Variants in ARHGEF1 observed in about 807,000 individuals in gnomAD.
The protein encoded by ARHGEF1 is Rho guanine nucleotide exchange factor 1.
ARHGEF1 carries 40 observed loss-of-function variants against 119.7 expected under a neutral mutation model. The observed-to-expected ratio is 0.33, with a 90% CI of 0.26 to 0.44. The LOEUF (loss-of-function observed/expected upper bound fraction) is 0.44, where lower values mean the gene tolerates loss of function less well. Among genes scored for constraint, ARHGEF1 ranks in the 20% least tolerant of loss-of-function variants. The pLI is 1.00. For missense variants in ARHGEF1, 976 were observed against 1,268.3 expected (o/e 0.77, Z 3.50); for synonymous variants, 494 against 521.0 (o/e 0.95, Z 0.71).
chr19:41,920,090 GCTCACAGACATACA>G (rs2074830717), upstream of ARHGEF1, among the ~76,000 whole-genome samples: 8 of 105,412 alleles, frequency 7.6e-5, no homozygotes, highest in Admixed American at 3.6e-4. Flanking sequence ...GACATGACAC[GCTCACAGACATACA>G]CTCACAGACA....
At chr19:41,913,914 C>T (rs1284396660) in intron 18 of ARHGEF1, among the ~76,000 whole-genome samples, 2 of 151,268 alleles carry the variant, frequency 1.3e-5, no homozygotes, top group South Asian at 2.1e-4. Flanking sequence ...CTGCCACCCT[C>T]ACACCCCACC....
chr19:41,909,982 T>A (rs1245049168), downstream of ARHGEF1: 17 of 1,613,714 alleles, frequency 1.1e-5, no homozygotes, highest in South Asian at 9.9e-5. This position sits in a 1 kb window ranked among gnomAD's most constrained non-coding sequence, Gnocchi z 5.2. Flanking sequence ...CCTGCCAGGC[T>A]ATGACGCCCT....
chr19:41,914,090 C>T (rs1030230663), intron 18 of ARHGEF1, among the ~76,000 whole-genome samples: 1 of 130,960 alleles, frequency 7.6e-6, no homozygotes, highest in Non-Finnish European at 1.6e-5. Flanking sequence ...CCCCTGGACA[C>T]TGGACAAAAC....
chr19:41,885,364 G>C (rs2074277945), intron 1 of ARHGEF1, among the ~76,000 whole-genome samples: 1 of 152,242 alleles, frequency 6.6e-6, no homozygotes. Flanking sequence ...AAGACATGAT[G>C]TGTCTCAGAG....
intron 13 of ARHGEF1, chr19:41,897,657 T>A: frequency 6.1e-6 from 1 of 163,050 alleles, no homozygotes. Context: ...CTCCTCTGAC[T>A]CTCTCCTCTC....
At chr19:41,886,283 G>T (rs2074292802) in intron 1 of ARHGEF1, among the ~76,000 whole-genome samples, 1 of 152,164 alleles carries the variant, frequency 6.6e-6, no homozygotes, top group Non-Finnish European at 1.5e-5. Flanking sequence ...TTATTATTGT[G>T]ATAAGGAATA....
At chr19:41,914,553 C>G (rs1160502612) in intron 18 of ARHGEF1, among the ~76,000 whole-genome samples, 1 of 121,758 alleles carries the variant, frequency 8.2e-6, no homozygotes, top group Non-Finnish European at 1.8e-5. Context: ...TCTTTCCCTC[C>G]CCTTCCACCA....
upstream of ARHGEF1, among the ~76,000 whole-genome samples, chr19:41,920,781 CAG>C (rs2074837386): frequency 6.6e-6 from 1 of 152,264 alleles, no homozygotes; most frequent in Middle Eastern, 3.2e-3. Flanking sequence ...GAATGGCAGA[CAG>C]GGCAGTGGAT....
rs149644287 is a variant in ARHGEF1, at chr19:41,895,026, C to T, written c.878-323C>T. Among the ~76,000 whole-genome samples the T allele has an allele frequency of 5.6e-4, 74 of 131,282 alleles. 4 individuals carry two copies. The highest frequency in any genetic ancestry group is 5.3e-3 in the Middle Eastern group (1 of 188). The allele number at this position is 131,282 out of a possible 152,430, so 86.1% of individuals were successfully genotyped here. On this transcript the variant is annotated intron_variant, in intron 11 of 28. Transcript: ENST00000354532. ...TGGACCCCTGGGTCTGAGGGAGGAGCGGCTCAGACTCGGACTCTTAGGTCT... is the reference window on the plus strand; with the variant it reads ...TGGACCCCTGGGTCTGAGGGAGGAGTGGCTCAGACTCGGACTCTTAGGTCT...
intron 8 of ARHGEF1, 86 bp from the exon 9 acceptor site, chr19:41,894,121 A>AGTGTGT: frequency 1.3e-6 from 1 of 765,880 alleles, no homozygotes; most frequent in Non-Finnish European, 1.8e-6. Flanking sequence ...GGAGAGAGAG[A>AGTGTGT]GAGTGTGTGT....
In ARHGEF1 at chr19:41,903,800, C is replaced by T; in HGVS notation, c.1917+16C>T. On this transcript the variant is annotated intron_variant, in intron 20 of 28. Transcript: ENST00000354532. This position sits in a 1 kb window ranked among gnomAD's most constrained non-coding sequence, Gnocchi z 4.2. ...CGAGTTCAAGGTGTGACCATACCCT[C>T]CTGCCTCCCCCGCCCCCCTACTCCT... 1 of 1,612,022 alleles carries T rather than the reference C, an allele frequency of 6.2e-7. No homozygotes were observed. The highest frequency in any genetic ancestry group is 8.5e-7 in the Non-Finnish European group (1 of 1,179,342).
In ARHGEF1 at chr19:41,902,464, TGTCGTACTTTA is replaced by T. The variant is rs1599658990; in HGVS notation, c.1498-65_1498-55del. On this transcript the variant is annotated intron_variant, in intron 16 of 28. Coordinates refer to ENST00000354532, the MANE Select transcript of ARHGEF1 (RefSeq NM_004706.4). This position sits in a 1 kb window ranked among gnomAD's most constrained non-coding sequence, Gnocchi z 6.5. ...AGTCCCAGGGTCTGGGCTTCCAGCC[TGTCGTACTTTA>T]GTCCCTGTTCTTGCCCATCCCCACT... The T allele has an allele frequency of 1.9e-6, 3 of 1,611,762 alleles. No homozygotes were observed. Among genetic ancestry groups the T allele is most frequent in the Non-Finnish European group, 2.5e-6 (3 of 1,179,086 alleles).
chr19:41,925,991 T>C (rs189289616), intron 1 of ARHGEF1, among the ~76,000 whole-genome samples: 6 of 152,054 alleles, frequency 3.9e-5, no homozygotes, highest in Admixed American at 1.3e-4. Flanking sequence ...TGTGTGAGTG[T>C]GTGCATGTGT....
In ARHGEF1 at chr19:41,916,339, G is replaced by A. The variant is rs1168368780; in HGVS notation, c.1866-6753G>A. Among the ~76,000 whole-genome samples the A allele has an allele frequency of 2.0e-5, 3 of 151,590 alleles. No individual in the cohort carries two copies. The highest frequency in any genetic ancestry group is 1.5e-5 in the Non-Finnish European group (1 of 67,914). On this transcript the variant is annotated intron_variant, in intron 18 of 20. Coordinates refer to the ARHGEF1 transcript ENST00000599589. This position sits in a 1 kb window ranked among gnomAD's most constrained non-coding sequence, Gnocchi z 5.4. ...ACATCACACACACCAACAAAGCAAC[G>A]CATACCACTGCTGCCACACACAACC...
At chr19:41,914,386 A>C in intron 18 of ARHGEF1, among the ~76,000 whole-genome samples, 1 of 136,118 alleles carries the variant, frequency 7.3e-6, no homozygotes, top group Non-Finnish European at 1.6e-5. Context: ...TCCCCACCTC[A>C]CTGCCCTCTC....
rs1486373854 is a variant in ARHGEF1 at position 41,904,539 on chromosome 19, C to CTAGAGGGTTTA, written c.2161+159_2161+169dup. Among the ~76,000 whole-genome samples the CTAGAGGGTTTA allele has an allele frequency of 6.6e-6, 1 of 151,934 alleles. No homozygotes were observed. The highest frequency in any genetic ancestry group is 2.4e-5 in the African/African-American group (1 of 41,342). ...GGAGGTGGGCAGGGCGGGGCCAGGC[C>CTAGAGGGTTTA]TAGAGGGTTTATAAGTGAGGTAGGA... On this transcript the variant is annotated intron_variant, in intron 22 of 28. Coordinates refer to ENST00000354532, the MANE Select transcript of ARHGEF1 (RefSeq NM_004706.4). The surrounding 1 kb of genome is among the most constrained non-coding windows in gnomAD (Gnocchi z 8.4).
At chr19:41,918,970 C>CCA (rs369125007), upstream of ARHGEF1, among the ~76,000 whole-genome samples, 1,156 of 150,260 alleles carry the variant, frequency 7.7e-3, 13 homozygotes, top group African/African-American at 0.022. Context: ...ACACCACACA[C>CCA]CACACACACA....
At chr19:41,894,075 G>T in intron 8 of ARHGEF1, 132 bp from the exon 9 acceptor site, 2 of 535,230 alleles carry the variant, frequency 3.7e-6, no homozygotes, top group Non-Finnish European at 6.1e-6. Flanking sequence ...GTAGTTGTGG[G>T]GTCAGGATGG....
chr19:41,913,788 T>C (rs1350780124), intron 18 of ARHGEF1, among the ~76,000 whole-genome samples: 1 of 147,340 alleles, frequency 6.8e-6, no homozygotes, highest in Admixed American at 6.7e-5. Context: ...CCCCCTCTTA[T>C]GGCGCCTCCC....
Sources: gnomAD v4.1 joint callset for allele counts (sites outside exome capture counted in the v4.1 genomes callset) on GRCh38, gnomAD v4.1.1 for gene constraint, Gnocchi (gnomAD v3.1) non-coding constraint, MANE v1.5 for transcripts, NCBI Gene and HGNC (gene_info 2026-07-23, HGNC 2026-07-21) for gene names.